Variants in LRRC4C observed in about 807,000 individuals in gnomAD.
LRRC4C encodes the protein leucine-rich repeat-containing protein 4C.
LRRC4C carries 5 observed loss-of-function variants against 33.6 expected under a neutral mutation model. That is an observed-to-expected ratio of 0.15 (90% CI 0.08 to 0.31). The LOEUF (loss-of-function observed/expected upper bound fraction) is 0.31, where lower values mean the gene tolerates loss of function less well. Ranked by LOEUF, LRRC4C falls within the 10% of genes least tolerant of loss-of-function variation. The pLI is 1.00. For missense variants in LRRC4C, 560 were observed against 796.7 expected (o/e 0.70, Z 3.58); for synonymous variants, 329 against 302.0 (o/e 1.09, Z -0.93).
chr11:40,463,304 TGG>T (rs1491332607), intron 3 of LRRC4C, among the ~76,000 whole-genome samples: 1 of 111,242 alleles, frequency 9.0e-6, no homozygotes, highest in Non-Finnish European at 1.9e-5. Context: ...TATGTGTTAC[TGG>T]TGTGTGTGTG....
chr11:40,733,363 C>A (rs11036046), intron 2 of LRRC4C, among the ~76,000 whole-genome samples: 3 of 151,704 alleles, frequency 2.0e-5, no homozygotes, highest in African/African-American at 4.8e-5. Flanking sequence ...GCGTGAGCCA[C>A]GGTGCCCGCC....
intron 2 of LRRC4C, among the ~76,000 whole-genome samples, chr11:40,822,364 G>A (rs1951969004): frequency 6.7e-6 from 1 of 150,220 alleles, no homozygotes; most frequent in Non-Finnish European, 1.5e-5. Flanking sequence ...TCGCTGAATA[G>A]TATTCCATTA....
At chr11:40,132,927 A>ATG (rs1856744554) in intron 6 of LRRC4C, among the ~76,000 whole-genome samples, 1 of 152,244 alleles carries the variant, frequency 6.6e-6, no homozygotes, top group Admixed American at 6.5e-5. Flanking sequence ...TAATCAAAAT[A>ATG]TGTAGAAAAT....
chr11:40,620,348 G>C (rs1214648210), intron 3 of LRRC4C, among the ~76,000 whole-genome samples: 3 of 151,628 alleles, frequency 2.0e-5, no homozygotes, highest in Non-Finnish European at 4.4e-5. Flanking sequence ...AGGAGTCTTG[G>C]GCTCTCTTAT....
chr11:40,656,009 G>T (rs1443476087), intron 2 of LRRC4C, among the ~76,000 whole-genome samples: 1 of 151,988 alleles, frequency 6.6e-6, no homozygotes, highest in African/African-American at 2.4e-5. Flanking sequence ...ACAGAAAGGG[G>T]AAAATCCACA....
At chr11:41,166,637 C>A (rs1036182416) in intron 1 of LRRC4C, among the ~76,000 whole-genome samples, 1 of 151,900 alleles carries the variant, frequency 6.6e-6, no homozygotes, top group African/African-American at 2.4e-5. Context: ...AATGAAAATC[C>A]TGAGGGCAGA....
At chr11:40,770,129 T>C (rs749990324) in intron 2 of LRRC4C, among the ~76,000 whole-genome samples, 1 of 152,208 alleles carries the variant, frequency 6.6e-6, no homozygotes, top group Non-Finnish European at 1.5e-5. Context: ...CTCATGCTGC[T>C]ATAAAGAACT....
chr11:40,740,448 T>G (rs1456403195), intron 2 of LRRC4C, among the ~76,000 whole-genome samples: 1 of 152,012 alleles, frequency 6.6e-6, no homozygotes, highest in Non-Finnish European at 1.5e-5. Context: ...TTACCTCTTT[T>G]GGGAAAGTCA....
At chr11:40,280,767 A>C (rs1943420299) in intron 4 of LRRC4C, among the ~76,000 whole-genome samples, 2 of 152,166 alleles carry the variant, frequency 1.3e-5, no homozygotes, top group Non-Finnish European at 1.5e-5. Context: ...TATCGCCACA[A>C]CACCAACCAT....
chr11:40,634,150 A>G (rs1293716679), intron 3 of LRRC4C, among the ~76,000 whole-genome samples: 1 of 152,210 alleles, frequency 6.6e-6, no homozygotes, highest in Non-Finnish European at 1.5e-5. Flanking sequence ...TTTCAGCATA[A>G]AAGACTGACT....
At chr11:40,411,878 G>T (rs1565362437) in intron 3 of LRRC4C, among the ~76,000 whole-genome samples, 1 of 151,936 alleles carries the variant, frequency 6.6e-6, no homozygotes. Flanking sequence ...TAAGCCTTTT[G>T]TATATAACAT....
At chr11:40,375,170 A>T (rs550860008) in intron 3 of LRRC4C, among the ~76,000 whole-genome samples, 1 of 152,292 alleles carries the variant, frequency 6.6e-6, no homozygotes, top group East Asian at 1.9e-4. Flanking sequence ...ACTGTAACAC[A>T]CTTTTTGTTT....
At chr11:40,407,868 C>T (rs1001796568) in intron 3 of LRRC4C, among the ~76,000 whole-genome samples, 2 of 151,590 alleles carry the variant, frequency 1.3e-5, no homozygotes, top group East Asian at 1.9e-4. Flanking sequence ...CTGAAGAGCA[C>T]GAAAAGAATT....
chr11:41,302,275 C>G (rs2137085272), intron 1 of LRRC4C, among the ~76,000 whole-genome samples: 1 of 152,168 alleles, frequency 6.6e-6, no homozygotes, highest in East Asian at 1.9e-4. Context: ...GGACTGTAAC[C>G]TTATTGAAGT....
At chr11:41,343,066 C>T (rs2137488632) in intron 1 of LRRC4C, among the ~76,000 whole-genome samples, 1 of 152,324 alleles carries the variant, frequency 6.6e-6, no homozygotes, top group African/African-American at 2.4e-5. Context: ...TCACTTCTCA[C>T]TGGATTTAGG....
chr11:40,836,903 T>A (rs1952698278), intron 2 of LRRC4C, among the ~76,000 whole-genome samples: 1 of 152,170 alleles, frequency 6.6e-6, no homozygotes, highest in South Asian at 2.1e-4. Context: ...CACCTCCGTA[T>A]CTATAGTTCC....
chr11:40,132,429 G>A (rs181523517), intron 6 of LRRC4C, among the ~76,000 whole-genome samples: 120 of 152,246 alleles, frequency 7.9e-4, no homozygotes, highest in African/African-American at 2.8e-3. Context: ...TTTCTTTAAG[G>A]AATTTGTGGC....
chr11:41,017,076 G>A (rs1026227867), intron 1 of LRRC4C, among the ~76,000 whole-genome samples: 2 of 152,162 alleles, frequency 1.3e-5, no homozygotes, highest in Non-Finnish European at 2.9e-5. Flanking sequence ...AATCAAGAGA[G>A]CATTTCACTC....
chr11:40,629,717 C>T (rs1303704675), intron 3 of LRRC4C, among the ~76,000 whole-genome samples: 2 of 152,142 alleles, frequency 1.3e-5, no homozygotes, highest in African/African-American at 2.4e-5. Flanking sequence ...ATGGTATTGA[C>T]CTTACTGATT....
Sources: gnomAD v4.1 joint callset for allele counts (sites outside exome capture counted in the v4.1 genomes callset) on GRCh38, gnomAD v4.1.1 for gene constraint, MANE v1.5 for transcripts, NCBI Gene and HGNC (gene_info 2026-07-23, HGNC 2026-07-21) for gene names.